Variants in GLIS3 observed in about 807,000 individuals in gnomAD.
GLIS3 encodes the protein zinc finger protein GLIS3.
A neutral mutation model predicts 78.6 loss-of-function variants in GLIS3; 53 were observed. The observed-to-expected ratio is 0.67, with a 90% CI of 0.54 to 0.85. The LOEUF (loss-of-function observed/expected upper bound fraction) is 0.85, where lower values mean the gene tolerates loss of function less well. Among genes scored for constraint, GLIS3 ranks in the 40% least tolerant of loss-of-function variants. GLIS3 has a pLI of 0.00. For missense variants in GLIS3, 1,703 were observed against 1,231.1 expected (o/e 1.38, Z -5.74); for synonymous variants, 684 against 509.9 (o/e 1.34, Z -4.60).
intron 7 of GLIS3, among the ~76,000 whole-genome samples, chr9:3,895,120 G>T (rs1240445321): frequency 6.6e-6 from 1 of 152,196 alleles, no homozygotes; most frequent in Non-Finnish European, 1.5e-5. Flanking sequence ...CACTGTCCAT[G>T]ATATCTCAGA....
chr9:4,177,029 G>A (rs937645821), intron 2 of GLIS3, among the ~76,000 whole-genome samples: 1 of 152,110 alleles, frequency 6.6e-6, no homozygotes, highest in Admixed American at 6.6e-5. Context: ...TGACAATATG[G>A]GTATCCCCCG....
intron 2 of GLIS3, among the ~76,000 whole-genome samples, chr9:4,134,973 G>C (rs1449453734): frequency 6.6e-6 from 1 of 152,034 alleles, no homozygotes. Context: ...CAGTCAGCAG[G>C]TCCACTGGAC....
At chr9:4,024,117 A>T (rs371317273) in intron 4 of GLIS3, among the ~76,000 whole-genome samples, 5 of 152,108 alleles carry the variant, frequency 3.3e-5, no homozygotes, top group African/African-American at 1.2e-4. Flanking sequence ...ATGAAAGTTA[A>T]TTTTTCCCAA....
intron 2 of GLIS3, among the ~76,000 whole-genome samples, chr9:4,213,475 G>C (rs1189231824): frequency 1.3e-5 from 2 of 152,242 alleles, no homozygotes; most frequent in South Asian, 2.1e-4. Context: ...TGATGGAAAT[G>C]TTCTACATTT....
At chr9:4,246,521 G>C (rs915092880) in intron 2 of GLIS3, among the ~76,000 whole-genome samples, 2 of 152,202 alleles carry the variant, frequency 1.3e-5, no homozygotes, top group Non-Finnish European at 2.9e-5. Flanking sequence ...AGTTGTTTCA[G>C]GATGTCTAAT....
In GLIS3 at chr9:3,949,722, CT is replaced by C. The variant is rs1309490021; in HGVS notation, c.1711-12534del. 2.6e-5 allele frequency among the ~76,000 whole-genome samples: 4 copies of C among 152,216 alleles called. No individual in the cohort carries two copies. The East Asian group carries it at 5.8e-4, about 22-fold the overall frequency. ...ACATATTAGGTGCTCAACAAATTGT[CT>C]TTTTTGGAAAAATAATAAATCAATG... On this transcript the variant is annotated intron_variant, in intron 4 of 10. Transcript: ENST00000381971.
intron 2 of GLIS3, among the ~76,000 whole-genome samples, chr9:4,324,580 T>C (rs1052120885): frequency 2.6e-5 from 4 of 152,218 alleles, no homozygotes; most frequent in Non-Finnish European, 4.4e-5. Context: ...TTTCTCTTCC[T>C]TTTGCACATA....
At chr9:4,413,866 G>C in the GLIS3 span, among the ~76,000 whole-genome samples, 2 of 152,054 alleles carry the variant, frequency 1.3e-5, no homozygotes, top group East Asian at 1.9e-4. Flanking sequence ...CCAAAAACTT[G>C]GATTTTGCTA....
chr9:4,254,156 G>T (rs556806995), intron 2 of GLIS3, among the ~76,000 whole-genome samples: 24 of 152,250 alleles, frequency 1.6e-4, no homozygotes, highest in African/African-American at 5.5e-4. Flanking sequence ...AATATTTACT[G>T]CATGTCACAT....
intron 4 of GLIS3, among the ~76,000 whole-genome samples, chr9:4,075,239 A>G (rs1414158641): frequency 6.6e-6 from 1 of 152,084 alleles, no homozygotes. Context: ...TTTATCAATT[A>G]GATGTCAGTA....
chr9:3,919,130 A>G (rs582393), intron 6 of GLIS3, among the ~76,000 whole-genome samples: 132,872 of 152,168 alleles, frequency 0.87, 58,133 homozygotes, highest in Admixed American at 0.9. Flanking sequence ...ACAATTTTCA[A>G]TTAGGTACTC....
At chr9:3,894,248 C>G (rs982367071) in intron 7 of GLIS3, among the ~76,000 whole-genome samples, 2 of 152,178 alleles carry the variant, frequency 1.3e-5, no homozygotes, top group Admixed American at 6.5e-5. Context: ...TTTTTAAAGA[C>G]TTTCATATAG....
intron 2 of GLIS3, among the ~76,000 whole-genome samples, chr9:4,137,695 G>C (rs1411171925): frequency 8.5e-5 from 13 of 152,180 alleles, no homozygotes; most frequent in Non-Finnish European, 1.6e-4. Context: ...GTCAGCTATT[G>C]TATATCAATT....
chr9:4,483,388 G>GT, the GLIS3 span, among the ~76,000 whole-genome samples: 20 of 152,114 alleles, frequency 1.3e-4, no homozygotes, highest in Admixed American at 3.9e-4. Context: ...AACTCGGCTA[G>GT]TTTTTTTTGT....
At chr9:4,476,592 C>T in the GLIS3 span, among the ~76,000 whole-genome samples, 1 of 151,934 alleles carries the variant, frequency 6.6e-6, no homozygotes, top group African/African-American at 2.4e-5. Flanking sequence ...GAACTCCTGA[C>T]CTCAGGTGAT....
Position 3,827,315 on chromosome 9 carries a change from G to C in GLIS3, c.*957C>G, listed in dbSNP as rs1225548486. The C allele has an allele frequency of 6.6e-6, 1 of 152,214 alleles. No individual in the cohort carries two copies. The highest frequency in any genetic ancestry group is 1.5e-5 in the Non-Finnish European group (1 of 68,054). 9.4% of individuals were successfully genotyped at this position (152,214 alleles called of 1,614,324 possible). On this transcript the variant is annotated 3_prime_UTR_variant, in exon 11 of 11. Transcript: ENST00000381971. ...TCAGTCTGTCCCAGTTCTCACATCT[G>C]GCACTTCTCTGGGTGCAGCACCAGA...
the GLIS3 span, among the ~76,000 whole-genome samples, chr9:4,424,751 G>T: frequency 2.0e-5 from 3 of 151,958 alleles, no homozygotes; most frequent in Non-Finnish European, 4.4e-5. Context: ...TTTATTCATT[G>T]TAGAGACGGG....
intron 2 of GLIS3, among the ~76,000 whole-genome samples, chr9:4,237,568 T>A (rs2129641586): frequency 6.6e-6 from 1 of 152,372 alleles, no homozygotes; most frequent in South Asian, 2.1e-4. Flanking sequence ...AGTACTTTTT[T>A]AAACCAGCTG....
At chr9:4,408,589 C>T in the GLIS3 span, among the ~76,000 whole-genome samples, 86,626 of 147,226 alleles carry the variant, frequency 0.59, 26,161 homozygotes, top group African/African-American at 0.71. Flanking sequence ...TAGCCGGGCG[C>T]GGTGGCGGGC....
Sources: gnomAD v4.1 joint callset for allele counts (sites outside exome capture counted in the v4.1 genomes callset) on GRCh38, gnomAD v4.1.1 for gene constraint, MANE v1.5 for transcripts, NCBI Gene and HGNC (gene_info 2026-07-23, HGNC 2026-07-21) for gene names.